Variants in MYH7B observed in about 807,000 individuals in gnomAD.
The protein encoded by MYH7B is myosin-7B.
MYH7B carries 205 observed loss-of-function variants against 234.5 expected under a neutral mutation model. The ratio of observed to expected loss-of-function variants is 0.87; its 90% confidence interval spans 0.78 to 0.98. The LOEUF (loss-of-function observed/expected upper bound fraction) is 0.98. Ranked by LOEUF, MYH7B falls within the 50% of genes least tolerant of loss-of-function variation. The pLI, the probability that MYH7B is intolerant of heterozygous loss-of-function variation, is 0.00. For synonymous variants in MYH7B, 1,193 were observed against 1,105.0 expected, an observed-to-expected ratio of 1.08 and a Z score of -1.58; for missense variants, 2,652 against 2,633.4, an observed-to-expected ratio of 1.01 and a Z score of -0.15.
At chr20:34,988,533 G>A (rs753888323) in intron 19 of MYH7B, among the ~76,000 whole-genome samples, 3 of 152,050 alleles carry the variant, frequency 2.0e-5, no homozygotes, top group African/African-American at 4.8e-5. Context: ...CCAGTACTGT[G>A]GACAACAGCT....
At chr20:34,978,974 G>C (rs2081898843) in intron 5 of MYH7B, among the ~76,000 whole-genome samples, 1 of 152,138 alleles carries the variant, frequency 6.6e-6, no homozygotes, top group South Asian at 2.1e-4. Flanking sequence ...GCCTGGGTTT[G>C]AGTCTTCAGT....
rs1037434999 is a variant in MYH7B, at chr20:34,996,674, A to G, written c.3182A>G (p.Lys1061Arg). The G allele has an allele frequency of 6.2e-7, 1 of 1,613,626 alleles. No homozygotes were observed. ...ATGGACACGGAGCGGGCCAAGCGCAAGCTGGAGGGTGACCTGAAGCTGACG... is the reference window on the plus strand; with the variant it reads ...ATGGACACGGAGCGGGCCAAGCGCAGGCTGGAGGGTGACCTGAAGCTGACG... Residue 1061 changes from lysine to arginine, a missense_variant, in exon 30 of 45, where the codon AAG (lysine) becomes AGG (arginine). Lys to Arg is a conservative substitution (Grantham distance 26). Coordinates refer to ENST00000262873, the Ensembl canonical transcript of MYH7B.
intron 2 of MYH7B, among the ~76,000 whole-genome samples, chr20:34,968,935 G>GAGC (rs2081767950): frequency 6.6e-6 from 1 of 152,238 alleles, no homozygotes; most frequent in South Asian, 2.1e-4. Flanking sequence ...AAGCCGATAT[G>GAGC]AGCAGCAGCA....
chr20:35,002,131 G>A (rs751992865), intron 44 of MYH7B, 46 bp downstream of exon 44: 2 of 1,607,506 alleles, frequency 1.2e-6, no homozygotes, highest in African/African-American at 1.3e-5. Context: ...GGGACTGTGG[G>A]GGCTGACAGG....
intron 7 of MYH7B, 53 bp downstream of exon 7, chr20:34,979,857 G>C (rs1003823953): frequency 1.3e-6 from 2 of 1,585,558 alleles, no homozygotes; most frequent in African/African-American, 2.7e-5. Context: ...GTGGGGCGGG[G>C]CTAGAGATGA....
At chr20:34,993,393 C>T in exon 26 of MYH7B, 3 of 1,613,604 alleles carry the variant, frequency 1.9e-6, no homozygotes, top group Non-Finnish European at 2.5e-6. Context: ...AGCGCCTGGC[C>T]AAGGTGCTGA....
chr20:34,963,695 G>C (rs1199633771), intron 2 of MYH7B, among the ~76,000 whole-genome samples: 1 of 152,096 alleles, frequency 6.6e-6, no homozygotes, highest in South Asian at 2.1e-4. Context: ...TTTTCTAAGA[G>C]TTTTATAGTT....
At chr20:34,994,349 C>A (rs377761095) in exon 27 of MYH7B, 3 of 1,605,146 alleles carry the variant, frequency 1.9e-6, no homozygotes, top group East Asian at 2.2e-5. Flanking sequence ...CTGGAGGAGA[C>A]GCACGTCAGC....
exon 27 of MYH7B, chr20:34,994,288 C>T (rs1569054580): frequency 1.2e-6 from 2 of 1,611,904 alleles, no homozygotes. Context: ...GCGGGCAGAG[C>T]TGCGGGGGTT....
At chr20:34,987,079 G>A (rs1295041499) in intron 15 of MYH7B, 70 bp from the exon 16 acceptor site, 33 of 1,609,726 alleles carry the variant, frequency 2.1e-5, no homozygotes, top group South Asian at 9.9e-5. Flanking sequence ...GAATGGTCCC[G>A]GGGCAGTGCC....
intron 31 of MYH7B, 34 bp downstream of exon 31, chr20:34,997,207 C>T (rs1169735489): frequency 1.3e-6 from 2 of 1,552,350 alleles, no homozygotes; most frequent in African/African-American, 2.7e-5. Flanking sequence ...GGCCTGGGGT[C>T]AGAGGCCCAC....
intron 11 of MYH7B, 62 bp downstream of exon 11, chr20:34,984,777 G>C (rs2081990146): frequency 2.5e-6 from 4 of 1,605,140 alleles, no homozygotes; most frequent in Middle Eastern, 1.7e-4. Flanking sequence ...CTGCACAACA[G>C]AGGGGCCACG....
chr20:34,991,822 A>G (rs1023420218), intron 24 of MYH7B, among the ~76,000 whole-genome samples: 3 of 152,172 alleles, frequency 2.0e-5, no homozygotes, highest in Admixed American at 6.5e-5. Flanking sequence ...CCATACACGC[A>G]CACACACGCA....
intron 24 of MYH7B, 41 bp from the exon 25 acceptor site, chr20:34,993,061 T>C (rs749422384): frequency 3.8e-6 from 6 of 1,590,618 alleles, no homozygotes; most frequent in Non-Finnish European, 4.3e-6. Flanking sequence ...CTGTGCCCCA[T>C]ACCCAGCCCT....
chr20:34,957,834 G>A (rs1436399221), intron 1 of MYH7B, among the ~76,000 whole-genome samples: 1 of 152,170 alleles, frequency 6.6e-6, no homozygotes, highest in Non-Finnish European at 1.5e-5. Context: ...CTGACTACAG[G>A]ACAGGCTGAG....
chr20:34,992,441 A>G (rs571201491), intron 24 of MYH7B, among the ~76,000 whole-genome samples: 3 of 151,566 alleles, frequency 2.0e-5, no homozygotes, highest in Non-Finnish European at 2.9e-5. Context: ...GATAGGGTAC[A>G]GCATGTCACC....
At position 34,998,539 on chromosome 20, in the gene MYH7B, G is replaced by A. The variant is rs372613399; in HGVS notation, c.3903G>A (p.Lys1301=). 6.2e-6 allele frequency: 10 copies of A among 1,613,582 alleles called. No individual in the cohort carries two copies. In the South Asian group the frequency reaches 8.8e-5, roughly 14 times the overall value. Residue 1301 remains lysine, a synonymous_variant, in exon 34 of 45, where the codon AAG becomes AAA. Transcript: ENST00000262873. ...AGCTGAGTCGCCTGCTAGAGGAGAA[G>A]GAGTGTCTGATCAGTCAGCTGAGCC...
exon 32 of MYH7B, chr20:34,997,597 T>G (rs1600469777): frequency 6.2e-7 from 1 of 1,613,382 alleles, no homozygotes; most frequent in South Asian, 1.1e-5. Context: ...CGCATGGAGG[T>G]GGACGACCTG....
chr20:34,962,823 T>C (rs1224172582), intron 2 of MYH7B, among the ~76,000 whole-genome samples: 1 of 152,090 alleles, frequency 6.6e-6, no homozygotes, highest in Non-Finnish European at 1.5e-5. Flanking sequence ...CTCGGCCGGG[T>C]GCAGTGGCTC....
Sources: gnomAD v4.1 joint callset for allele counts (sites outside exome capture counted in the v4.1 genomes callset) on GRCh38, gnomAD v4.1.1 for gene constraint, MANE v1.5 for transcripts, NCBI Gene and HGNC (gene_info 2026-07-23, HGNC 2026-07-21) for gene names.